The following ITGBL1 variants were observed in gnomAD, a reference collection of about 807,000 sequenced individuals.
ITGBL1 encodes the protein integrin beta-like protein 1.
Under a neutral mutation model 68.5 loss-of-function variants are expected in ITGBL1, and 51 were observed. That is an observed-to-expected ratio of 0.74 (90% confidence interval 0.59 to 0.94). The LOEUF is 0.94. Among genes scored for constraint, ITGBL1 ranks in the 40% least tolerant of loss-of-function variants. The probability of loss-of-function intolerance (pLI) is 0.00; values close to 1 mark genes in which losing one functional copy is unlikely to be tolerated. For missense variants in ITGBL1, 649 were observed against 647.4 expected, an observed-to-expected ratio of 1.00 and a Z score of -0.03; for synonymous variants, 209 against 227.3, an observed-to-expected ratio of 0.92 and a Z score of 0.72.
In ITGBL1 at chr13:101,623,853, ACCTTCTGGCCTTCTGGGCCTGTTTTTGG is replaced by A. The variant is rs938490016; in HGVS notation, c.1015+25565_1015+25592del. ...AAGGAATGAAAGTTTTTTTGGGTAT[ACCTTCTGGCCTTCTGGGCCTGTTTTTGG>A]CCTTCTGGCCCTGTTTTAAATCCCA... On this transcript the variant is annotated intron_variant, in intron 7 of 10. Transcript: ENST00000376180. 5.9e-5 allele frequency among the ~76,000 whole-genome samples: 9 copies of A among 152,306 alleles called. No individual in the cohort carries two copies. In the South Asian group the frequency reaches 6.2e-4, roughly 11 times the overall value.
At chr13:101,485,021 A>T (rs1373286013) in intron 2 of ITGBL1, among the ~76,000 whole-genome samples, 1 of 152,212 alleles carries the variant, frequency 6.6e-6, no homozygotes, top group African/African-American at 2.4e-5. Context: ...GAACGAAAAT[A>T]AGGATGATAG....
chr13:101,463,447 T>C (rs1489476053), intron 2 of ITGBL1, among the ~76,000 whole-genome samples: 1 of 152,296 alleles, frequency 6.6e-6, no homozygotes, highest in African/African-American at 2.4e-5. Flanking sequence ...CTGCCTTTTG[T>C]GTTCCTGTCC....
chr13:101,537,330 A>G (rs2049596582), intron 2 of ITGBL1, among the ~76,000 whole-genome samples: 1 of 152,066 alleles, frequency 6.6e-6, no homozygotes, highest in Non-Finnish European at 1.5e-5. Context: ...AACTTAGGAA[A>G]TATTTAAAAT....
chr13:101,534,358 T>G lies in ITGBL1; in HGVS notation c.317-33341T>G, dbSNP rs185327354. Among the ~76,000 whole-genome samples the G allele has an allele frequency of 1.3e-4, 20 of 152,286 alleles. No homozygotes were observed. In the East Asian group the frequency reaches 3.9e-3, roughly 29 times the overall value. ...TGCTTTCATGTTTGCTTTTGTTTTTTAGAAGAAGAAATAGGTAGGAATGGT... is the reference window on the plus strand; with the variant it reads ...TGCTTTCATGTTTGCTTTTGTTTTTGAGAAGAAGAAATAGGTAGGAATGGT... On this transcript the variant is annotated intron_variant, in intron 2 of 10. Transcript: ENST00000376180.
chr13:101,583,201 C>A lies in ITGBL1; in HGVS notation c.728-15C>A. ...TTCTTGACTGGATTCTTATAAAATT[C>A]TTCTTCCCACCTAGGGACTTGTGTA... On this transcript the variant is annotated splice_polypyrimidine_tract_variant and intron_variant, in intron 5 of 10. Coordinates refer to ENST00000376180, the MANE Select transcript of ITGBL1 (RefSeq NM_004791.3). 3 of 1,611,066 alleles carry A rather than the reference C, an allele frequency of 1.9e-6. No individual in the cohort carries two copies. Among genetic ancestry groups the A allele is most frequent in the East Asian group, 2.2e-5 (1 of 44,778 alleles).
chr13:101,539,429 A>G (rs948362907), intron 2 of ITGBL1, among the ~76,000 whole-genome samples: 1 of 151,926 alleles, frequency 6.6e-6, no homozygotes, highest in Non-Finnish European at 1.5e-5. Context: ...TATGTGCCAC[A>G]TTTTTTTAAT....
At chr13:101,640,903 A>G (rs1438235243) in intron 7 of ITGBL1, among the ~76,000 whole-genome samples, 1 of 152,214 alleles carries the variant, frequency 6.6e-6, no homozygotes, top group Non-Finnish European at 1.5e-5. Flanking sequence ...CAAGTACTCC[A>G]GTGTCCTAAT....
In ITGBL1 at chr13:101,598,434, T is replaced by C. The variant is rs1292791616; in HGVS notation, c.1015+135T>C. On this transcript the variant is annotated intron_variant, in intron 7 of 10. Coordinates refer to ENST00000376180, the MANE Select transcript of ITGBL1 (RefSeq NM_004791.3). ...GGTTTTTTTGTTTTTTATTTTTTTATTTTATTTTTTATTATTATATTTTAA... is the reference window on the plus strand; with the variant it reads ...GGTTTTTTTGTTTTTTATTTTTTTACTTTATTTTTTATTATTATATTTTAA... 1.6e-5 allele frequency: 10 copies of C among 643,728 alleles called. No homozygotes were observed. The Admixed American group carries it at 3.8e-4, about 25-fold the overall frequency. 39.9% of individuals were successfully genotyped at this position (643,728 alleles called of 1,614,324 possible).
chr13:101,585,215 G>A (rs773814090), intron 6 of ITGBL1, among the ~76,000 whole-genome samples: 8 of 152,024 alleles, frequency 5.3e-5, no homozygotes, highest in Non-Finnish European at 1.2e-4. Flanking sequence ...GGAAAATGTT[G>A]GTGCCATTTA....
intron 2 of ITGBL1, among the ~76,000 whole-genome samples, chr13:101,507,773 C>T (rs2049049610): frequency 6.6e-6 from 1 of 151,984 alleles, no homozygotes; most frequent in African/African-American, 2.4e-5. Context: ...GTCACAGAGC[C>T]ATTGGAACAA....
intron 7 of ITGBL1, among the ~76,000 whole-genome samples, chr13:101,688,301 G>A (rs2033803865): frequency 6.6e-6 from 1 of 152,068 alleles, no homozygotes; most frequent in Admixed American, 6.6e-5. Context: ...TAGACAAAGG[G>A]CTGTGGGATC....
intron 7 of ITGBL1, among the ~76,000 whole-genome samples, chr13:101,604,103 A>C (rs892610777): frequency 1.3e-5 from 2 of 151,898 alleles, no homozygotes; most frequent in Non-Finnish European, 2.9e-5. Flanking sequence ...CAAACCATAT[A>C]ATAGAAAGAT....
At chr13:101,607,454 T>C (rs1446978571) in intron 7 of ITGBL1, among the ~76,000 whole-genome samples, 2 of 152,158 alleles carry the variant, frequency 1.3e-5, no homozygotes, top group Admixed American at 6.6e-5. Context: ...AATATTCCAT[T>C]ATATAGTTGT....
In ITGBL1 at chr13:101,594,328, G is replaced by A. The variant is rs2050706783; in HGVS notation, c.869-3825G>A. Among the ~76,000 whole-genome samples the A allele has an allele frequency of 2.0e-5, 3 of 152,130 alleles. No individual in the cohort carries two copies. In the South Asian group the frequency reaches 6.2e-4, roughly 32 times the overall value. On this transcript the variant is annotated intron_variant, in intron 6 of 10. Coordinates refer to ENST00000376180, the MANE Select transcript of ITGBL1 (RefSeq NM_004791.3). ...ACAAAGATGACAAGAACACACAATA[G>A]GGAAAAGACAGTTTATTCGATAAAT...
Position 101,489,350 on chromosome 13 carries a change from T to C in ITGBL1, c.316+35250T>C, listed in dbSNP as rs181272937. ...GGTGGTGTTAAAAATCAAACAAAAATCTTTCCAAAGTAGGGATCAAATTCT... is the reference window on the plus strand; with the variant it reads ...GGTGGTGTTAAAAATCAAACAAAAACCTTTCCAAAGTAGGGATCAAATTCT... On this transcript the variant is annotated intron_variant, in intron 2 of 10. Coordinates refer to ENST00000376180, the MANE Select transcript of ITGBL1 (RefSeq NM_004791.3). 2.9e-3 allele frequency among the ~76,000 whole-genome samples: 439 copies of C among 152,282 alleles called. 4 individuals carry two copies. Among genetic ancestry groups the C allele is most frequent in the Non-Finnish European group, 2.9e-3 (195 of 68,024 alleles).
At chr13:101,603,979 G>A (rs1290062402) in intron 7 of ITGBL1, among the ~76,000 whole-genome samples, 3 of 151,874 alleles carry the variant, frequency 2.0e-5, no homozygotes, top group Admixed American at 6.6e-5. Context: ...TATGTTGCTA[G>A]TAGAAGTAAA....
intron 2 of ITGBL1, among the ~76,000 whole-genome samples, chr13:101,524,319 C>T (rs9557684): frequency 0.74 from 111,783 of 151,388 alleles, 41,272 homozygotes; most frequent in South Asian, 0.79. Flanking sequence ...TTGCACTTCT[C>T]CTAATTTATT....
chr13:101,663,045 C>T (rs967376702), intron 7 of ITGBL1, among the ~76,000 whole-genome samples: 20 of 152,062 alleles, frequency 1.3e-4, no homozygotes, highest in African/African-American at 4.3e-4. Context: ...TCTATCCTAG[C>T]TTCTTTAGGG....
chr13:101,709,088 G>A lies in ITGBL1; in HGVS notation c.1279+2186G>A, dbSNP rs144465941. Among the ~76,000 whole-genome samples, 25 of 152,272 alleles carry A rather than the reference G, an allele frequency of 1.6e-4. No individual in the cohort carries two copies. In the East Asian group the frequency reaches 1.9e-3, roughly 12 times the overall value. On this transcript the variant is annotated intron_variant, in intron 9 of 10. Coordinates refer to ENST00000376180, the MANE Select transcript of ITGBL1 (RefSeq NM_004791.3). ...GATTAAGGAAGAAAAGCAGGAGGCCGGGCGCGGTGGCTCACGCCTGTAATC... is the reference window on the plus strand; with the variant it reads ...GATTAAGGAAGAAAAGCAGGAGGCCAGGCGCGGTGGCTCACGCCTGTAATC...
Sources: gnomAD v4.1 joint callset for allele counts (sites outside exome capture counted in the v4.1 genomes callset) on GRCh38, gnomAD v4.1.1 for gene constraint, MANE v1.5 for transcripts, NCBI Gene and HGNC (gene_info 2026-07-23, HGNC 2026-07-21) for gene names.